ACTR5: variants seen among roughly 807,000 people sequenced by gnomAD.
ACTR5 encodes actin-related protein 5.
ACTR5 carries 43 observed loss-of-function variants against 61.2 expected under a neutral mutation model. That is an observed-to-expected ratio of 0.70 (90% CI 0.55 to 0.91). The LOEUF (loss-of-function observed/expected upper bound fraction) is 0.91, where lower values mean the gene tolerates loss of function less well. ACTR5 is among the 40% of genes least tolerant of loss of function. The pLI is 0.00. For synonymous variants in ACTR5, 333 were observed against 310.5 expected, an observed-to-expected ratio of 1.07 and a Z score of -0.76; for missense variants, 798 against 782.2, an observed-to-expected ratio of 1.02 and a Z score of -0.24.
intron 8 of ACTR5, among the ~76,000 whole-genome samples, chr20:38,769,566 C>G (rs1171925897): frequency 2.0e-5 from 3 of 152,198 alleles, no homozygotes; most frequent in Non-Finnish European, 1.5e-5. Flanking sequence ...GGAGGGAGGA[C>G]AGGCTTAAGG....
At chr20:38,756,619 T>C (rs988260677) in intron 5 of ACTR5, among the ~76,000 whole-genome samples, 4 of 152,240 alleles carry the variant, frequency 2.6e-5, no homozygotes, top group East Asian at 1.9e-4. Flanking sequence ...ATAAGTGTTT[T>C]TGAGGCCGGG....
In ACTR5 at chr20:38,748,726, C is replaced by G; in HGVS notation, c.248C>G (p.Ala83Gly). ...RGASGPQVGN[A>G]LGSLEPLRWM... Reference sequence around the variant, plus strand: ...GCGTCGGGCCCGCAGGTGGGGAACGCTCTGGGCAGCCTGGAGCCACTGCGC... The same window carrying G: ...GCGTCGGGCCCGCAGGTGGGGAACGGTCTGGGCAGCCTGGAGCCACTGCGC... Residue 83 changes from alanine (A) to glycine (G), a missense_variant, in exon 1 of 9, where the codon GCT (alanine) becomes GGT (glycine). Transcript: ENST00000243903. 1 of 1,565,622 alleles carries G rather than the reference C, an allele frequency of 6.4e-7. No homozygotes were observed. Among genetic ancestry groups the G allele is most frequent in the South Asian group, 1.2e-5 (1 of 86,340 alleles).
chr20:38,769,331 A>G (rs761684669), intron 8 of ACTR5, among the ~76,000 whole-genome samples: 1 of 152,162 alleles, frequency 6.6e-6, no homozygotes, highest in Non-Finnish European at 1.5e-5. Flanking sequence ...AAAGTGTCCC[A>G]AGCCCTTGGC....
intron 5 of ACTR5, among the ~76,000 whole-genome samples, chr20:38,762,438 C>T (rs1243443565): frequency 1.3e-5 from 2 of 152,248 alleles, no homozygotes; most frequent in Non-Finnish European, 2.9e-5. Context: ...TTGTAGTCCT[C>T]ACAGTCCCCC....
chr20:38,750,082 G>T lies in ACTR5; in HGVS notation c.448G>T (p.Glu150Ter). The T allele has an allele frequency of 3.7e-6, 6 of 1,614,198 alleles. No homozygotes were observed. Among genetic ancestry groups the T allele is most frequent in the Non-Finnish European group, 5.1e-6 (6 of 1,180,042 alleles). Reference sequence around the variant, plus strand: ...ACTGTATTCACGGCAAATGATGTCTGAGCTTCTTTTTGAGTGCTACGGGAT... The same window carrying T: ...ACTGTATTCACGGCAAATGATGTCTTAGCTTCTTTTTGAGTGCTACGGGAT... Reference protein sequence around the residue: ...NPLYSRQMMSELLFECYGIPK... With the variant: ...NPLYSRQMMS The change falls in exon 2 of 9, where the codon GAG (glutamate) becomes TAG (stop). Residue 150 changes from glutamate to a stop codon, truncating the protein, a stop_gained. Coordinates refer to ENST00000243903, the MANE Select transcript of ACTR5 (RefSeq NM_024855.4). LOFTEE classifies it high-confidence loss of function.
intron 5 of ACTR5, among the ~76,000 whole-genome samples, chr20:38,757,602 G>A (rs938430577): frequency 5.3e-5 from 8 of 151,934 alleles, no homozygotes; most frequent in Non-Finnish European, 8.8e-5. Flanking sequence ...GTAGCATAGT[G>A]CTTATCAGTG....
intron 2 of ACTR5, among the ~76,000 whole-genome samples, chr20:38,750,505 T>C (rs2084380295): frequency 2.6e-5 from 4 of 152,194 alleles, no homozygotes; most frequent in Admixed American, 2.0e-4. Context: ...TCTGACATAA[T>C]GGGGAGATAG....
At chr20:38,752,380 T>C (rs776746680) in intron 3 of ACTR5, 80 bp downstream of exon 3, 12 of 1,461,538 alleles carry the variant, frequency 8.2e-6, no homozygotes, top group South Asian at 2.9e-5. Flanking sequence ...CATGATTCTT[T>C]GCTTGCTCAC....
At chr20:38,750,295 T>G in intron 2 of ACTR5, 56 bp downstream of exon 2, 2 of 1,464,942 alleles carry the variant, frequency 1.4e-6, no homozygotes, top group Non-Finnish European at 1.9e-6. Context: ...AGGAAACATT[T>G]ATTTACTGCG....
In ACTR5 at chr20:38,756,038, A is replaced by C. The variant is rs35520380; in HGVS notation, c.1175A>C (p.Glu392Ala). The C allele has an allele frequency of 1.0e-3, 1,677 of 1,611,102 alleles. 18 individuals are homozygous for C. The African/African-American group carries it at 0.02, about 19-fold the overall frequency. The change falls in exon 5 of 9, where the codon GAG becomes GCG. Residue 392 changes from glutamate to alanine, a missense_variant and splice_region_variant. Transcript: ENST00000243903. ...GTGGATGTGGTAGACAGCAAGCCAG[A>C]GGTAACTTAGGGCCTTGGAAGGAGC... Reference protein sequence around the residue: ...LEVDVVDSKPETPDLEQLEPS... With the variant: ...LEVDVVDSKPATPDLEQLEPS...
intron 3 of ACTR5, among the ~76,000 whole-genome samples, chr20:38,754,056 C>T (rs960113303): frequency 5.9e-5 from 9 of 152,098 alleles, no homozygotes; most frequent in African/African-American, 1.7e-4. Context: ...TCCTTTATTT[C>T]GCCCGGTTTA....
Position 38,771,789 on chromosome 20 carries a change from T to C in ACTR5, c.1797T>C (p.Gly599=). The part of the protein sequence containing the change: ...AQASSKGSAA[G]GGGAGEQA The stretch of plus-strand genomic sequence containing the variant: ...CATCCAGCAAGGGCTCCGCTGCTGG[T>C]GGAGGTGGTGCTGGTGAGCAGGCAT... The change falls in exon 9 of 9, where the codon GGT becomes GGC. Residue 599 remains glycine (G), a synonymous_variant. Transcript: ENST00000243903. 6.2e-7 allele frequency: 1 copy of C among 1,613,100 alleles called. No individual in the cohort carries two copies. The highest frequency in any genetic ancestry group is 8.5e-7 in the Non-Finnish European group (1 of 1,179,854).
chr20:38,756,113 T>C, intron 5 of ACTR5, 74 bp downstream of exon 5: 2 of 1,463,676 alleles, frequency 1.4e-6, no homozygotes, highest in Non-Finnish European at 1.8e-6. Flanking sequence ...ATCAAAGGGG[T>C]TGTGCCCAGA....
chr20:38,771,646 A>G lies in ACTR5; in HGVS notation c.1654A>G (p.Ile552Val). 6.2e-7 allele frequency: 1 copy of G among 1,614,120 alleles called. No individual in the cohort carries two copies. Among genetic ancestry groups the G allele is most frequent in the South Asian group, 1.1e-5 (1 of 91,076 alleles). ...LNHLDDNEVW[I>V]TRKEYEEKGG... ...CCACCTAGATGATAATGAAGTTTGG[A>G]TCACCAGGAAAGAGTATGAAGAAAA... is the stretch of plus-strand genomic sequence containing the variant. Residue 552 changes from isoleucine (I) to valine (V), a missense_variant, in exon 9 of 9, where the codon ATC (isoleucine) becomes GTC (valine). By Grantham distance (29) the Ile-to-Val change is conservative (BLOSUM62 3). Transcript: ENST00000243903.
At chr20:38,762,451 T>C (rs2084460696) in intron 5 of ACTR5, among the ~76,000 whole-genome samples, 2 of 152,222 alleles carry the variant, frequency 1.3e-5, no homozygotes, top group Non-Finnish European at 1.5e-5. Flanking sequence ...AGTCCCCCAC[T>C]GAGACTCAAG....
chr20:38,748,812 C>G lies in ACTR5; in HGVS notation c.334C>G (p.Leu112Val). 2 of 1,609,202 alleles carry G rather than the reference C, an allele frequency of 1.2e-6. No homozygotes were observed. The highest frequency in any genetic ancestry group is 2.2e-5 in the South Asian group (2 of 90,852). The change falls in exon 1 of 9, where the codon CTG becomes GTG. Residue 112 changes from leucine (L) to valine (V), a missense_variant. By Grantham distance (32) the Leu-to-Val change is conservative. Coordinates refer to ENST00000243903, the MANE Select transcript of ACTR5 (RefSeq NM_024855.4). ...GGTCAACCTGGAGCTTCAGGAGTTG[C>G]TGCTGGACTACAGCTTCCAGCACCT... ...VPVNLELQEL[L>V]LDYSFQHLGV...
Position 38,771,719 on chromosome 20 carries a change from C to T in ACTR5, c.1727C>T (p.Pro576Leu). The T allele has an allele frequency of 6.2e-7, 1 of 1,614,192 alleles. No homozygotes were observed. Among genetic ancestry groups the T allele is most frequent in the South Asian group, 1.1e-5 (1 of 91,080 alleles). Reference sequence around the variant, plus strand: ...CACTGTGCTTCCAACATCTATGTCCCCATCCGCCTGCCGAAGCAGGCCTCC... The same window carrying T: ...CACTGTGCTTCCAACATCTATGTCCTCATCCGCCTGCCGAAGCAGGCCTCC... ...KEHCASNIYVPIRLPKQASRS... is the reference protein window; with the variant it reads ...KEHCASNIYVLIRLPKQASRS... Residue 576 changes from proline to leucine, a missense_variant, in exon 9 of 9, where the codon CCC becomes CTC. Coordinates refer to ENST00000243903, the MANE Select transcript of ACTR5 (RefSeq NM_024855.4).
intron 5 of ACTR5, among the ~76,000 whole-genome samples, chr20:38,762,070 G>T (rs1165265833): frequency 1.3e-5 from 2 of 152,220 alleles, no homozygotes; most frequent in Non-Finnish European, 2.9e-5. Context: ...GGTTTGGTGG[G>T]TGAGGAATTG....
chr20:38,766,743 T>C (rs2084489267), intron 7 of ACTR5, among the ~76,000 whole-genome samples: 1 of 152,214 alleles, frequency 6.6e-6, no homozygotes, highest in African/African-American at 2.4e-5. Flanking sequence ...TTTTTTCCCC[T>C]CCTTGCAGGC....
Sources: allele counts gnomAD v4.1 joint callset (sites outside exome capture counted in the v4.1 genomes callset), GRCh38; gene constraint gnomAD v4.1.1; transcripts MANE v1.5; gene names NCBI Gene and HGNC (gene_info 2026-07-23, HGNC 2026-07-21).